SMNDC1: variants seen among roughly 807,000 people sequenced by gnomAD.
SMNDC1 encodes survival of motor neuron-related-splicing factor 30.
Under a neutral mutation model 29.2 loss-of-function variants are expected in SMNDC1, and 5 were observed. The observed-to-expected ratio is 0.17, with a 90% CI of 0.09 to 0.36. The LOEUF (loss-of-function observed/expected upper bound fraction) is 0.36. Ranked by LOEUF, SMNDC1 falls within the 10% of genes least tolerant of loss-of-function variation. The pLI is 1.00. For synonymous variants in SMNDC1, 80 were observed against 89.9 expected, an observed-to-expected ratio of 0.89 and a Z score of 0.62; for missense variants, 142 against 268.5, an observed-to-expected ratio of 0.53 and a Z score of 3.29.
rs569192561 is a variant in SMNDC1 at position 110,292,761 on chromosome 10, T to G, written c.*1389A>C. 35 of 152,138 alleles carry G rather than the reference T, an allele frequency of 2.3e-4. No homozygotes were observed. Among genetic ancestry groups the G allele is most frequent in the African/African-American group, 8.4e-4 (35 of 41,504 alleles). The allele number at this position is 152,138 out of a possible 1,614,324, so 9.4% of individuals were successfully genotyped here. On this transcript the variant is annotated 3_prime_UTR_variant, in exon 6 of 6. Coordinates refer to ENST00000369603, the MANE Select transcript of SMNDC1 (RefSeq NM_005871.4). ...AATTCTACCTACCACTGTCCTAAGT[T>G]TCAATTTATAAAAAAAATTAAAATT...
chr10:110,300,649 G>A (rs1395718802), intron 2 of SMNDC1: 3 of 985,372 alleles, frequency 3.0e-6, no homozygotes, highest in Non-Finnish European at 3.6e-6. Context: ...AGCATCAGGT[G>A]TTGTGATCTA....
intron 5 of SMNDC1, 94 bp downstream of exon 5, chr10:110,295,134 A>T (rs1193755225): frequency 2.5e-6 from 3 of 1,197,914 alleles, no homozygotes; most frequent in Non-Finnish European, 3.5e-6. Flanking sequence ...AGTTAATCAT[A>T]CTTTACAAAA....
Position 110,298,655 on chromosome 10 carries a change from C to T in SMNDC1, c.256G>A (p.Asp86Asn), listed in dbSNP as rs769513005. The change falls in exon 3 of 6, where the codon GAT becomes AAT. Residue 86 changes from aspartate to asparagine, a missense_variant. Transcript: ENST00000369603. The part of the protein sequence containing the change: ...GDKCMAVWSE[D>N]GQCYEAEIEE... ...TTTTTTTTCTACACTTACTGTCCAT[C>T]TTCACTCCAGACTGCCATACACTTG... is the stretch of plus-strand genomic sequence containing the variant. 50 of 1,608,740 alleles carry T rather than the reference C, an allele frequency of 3.1e-5. No homozygotes were observed. The highest frequency in any genetic ancestry group is 6.8e-6 in the Non-Finnish European group (8 of 1,177,824).
chr10:110,302,912 T>C (rs1226043456), intron 2 of SMNDC1, among the ~76,000 whole-genome samples: 2 of 152,206 alleles, frequency 1.3e-5, no homozygotes, highest in African/African-American at 4.8e-5. Context: ...AACTTTACTG[T>C]AAAACCTAGC....
At position 110,297,156 on chromosome 10, in the gene SMNDC1, CTT is replaced by C. The variant is rs796753305; in HGVS notation, c.425+409_425+410del. Among the ~76,000 whole-genome samples, 19 of 152,286 alleles carry C rather than the reference CTT, an allele frequency of 1.2e-4. No homozygotes were observed. In the East Asian group the frequency reaches 2.9e-3, roughly 23 times the overall value. ...TAATAAAAGTGGAGGCTGAGTACCT[CTT>C]GTTCCCTTACAGTACCTGTTATAGC... On this transcript the variant is annotated intron_variant, in intron 4 of 5. Coordinates refer to ENST00000369603, the MANE Select transcript of SMNDC1 (RefSeq NM_005871.4).
rs1857520674 is a variant in SMNDC1, at chr10:110,293,327, T to G, written c.*823A>C. 6.6e-6 allele frequency: 1 copy of G among 152,610 alleles called. No homozygotes were observed. The highest frequency in any genetic ancestry group is 1.9e-4 in the East Asian group (1 of 5,200). The allele number at this position is 152,610 out of a possible 1,614,324, so 9.5% of individuals were successfully genotyped here. A position where few individuals can be genotyped will look rare whatever the true frequency, so the allele number is the denominator to read the frequency against. ...CAAGAAATTTTTAATGATGAAATAT[T>G]CAGTATTCTTGTTCATTAATTTAGC... is the stretch of plus-strand genomic sequence containing the variant. On this transcript the variant is annotated 3_prime_UTR_variant, in exon 6 of 6. Coordinates refer to ENST00000369603, the MANE Select transcript of SMNDC1 (RefSeq NM_005871.4).
At chr10:110,298,020 T>C (rs1351487197) in intron 3 of SMNDC1, among the ~76,000 whole-genome samples, 1 of 152,172 alleles carries the variant, frequency 6.6e-6, no homozygotes, top group African/African-American at 2.4e-5. Flanking sequence ...CGACAGAGTC[T>C]CACTGTCGCC....
chr10:110,298,872 G>A (rs2134501850), intron 2 of SMNDC1, 82 bp from the exon 3 acceptor site: 4 of 955,032 alleles, frequency 4.2e-6, no homozygotes, highest in South Asian at 3.1e-5. Context: ...CCTTCATACT[G>A]TACGTTAAGT....
rs1028797599 is a variant in SMNDC1 at position 110,291,327 on chromosome 10, G to T, written c.*2823C>A. On this transcript the variant is annotated 3_prime_UTR_variant, in exon 6 of 6. Transcript: ENST00000369603. ...ATAACCTTCACCCCCTTCCCATTAA[G>T]AAACATGCCCTAGTATACAAATTAG... is the stretch of plus-strand genomic sequence containing the variant. 6.6e-6 allele frequency: 1 copy of T among 152,238 alleles called. No homozygotes were observed. The highest frequency in any genetic ancestry group is 3.4e-3 in the Middle Eastern group (1 of 294). The allele number at this position is 152,238 out of a possible 1,614,324, so 9.4% of individuals were successfully genotyped here. A position where few individuals can be genotyped will look rare whatever the true frequency, so the allele number is the denominator to read the frequency against.
rs1249993860 is a variant in SMNDC1 at position 110,290,992 on chromosome 10, T to C, written c.*3158A>G. ...TAAGGCAGACATTTGGCATTAGAAT[T>C]GCATACTGGAAACAGACACACACCC... On this transcript the variant is annotated 3_prime_UTR_variant, in exon 6 of 6. Transcript: ENST00000369603. 2 of 152,204 alleles carry C rather than the reference T, an allele frequency of 1.3e-5. No individual in the cohort carries two copies. Among genetic ancestry groups the C allele is most frequent in the East Asian group, 1.9e-4 (1 of 5,204 alleles). 9.4% of individuals were successfully genotyped at this position (152,204 alleles called of 1,614,324 possible).
chr10:110,291,995 ACT>A lies in SMNDC1; in HGVS notation c.*2153_*2154del, dbSNP rs1418229498. 1 of 152,112 alleles carries A rather than the reference ACT, an allele frequency of 6.6e-6. No homozygotes were observed. Among genetic ancestry groups the A allele is most frequent in the Non-Finnish European group, 1.5e-5 (1 of 68,014 alleles). 9.4% of individuals were successfully genotyped at this position (152,112 alleles called of 1,614,324 possible). ...CAAGTCTCCTTTCTTAATGGGGAAA[ACT>A]CTACATTAAATTTTCTAACAAAGCT... is the stretch of plus-strand genomic sequence containing the variant. On this transcript the variant is annotated 3_prime_UTR_variant, in exon 6 of 6. Transcript: ENST00000369603.
intron 2 of SMNDC1, among the ~76,000 whole-genome samples, chr10:110,302,781 G>A (rs1857672983): frequency 1.3e-5 from 2 of 152,044 alleles, no homozygotes; most frequent in African/African-American, 4.8e-5. Flanking sequence ...TACTATGATG[G>A]CTCTATGTTT....
intron 2 of SMNDC1, among the ~76,000 whole-genome samples, chr10:110,301,987 C>T (rs964147338): frequency 6.6e-6 from 1 of 152,186 alleles, no homozygotes; most frequent in Non-Finnish European, 1.5e-5. Flanking sequence ...CCAACCAGTT[C>T]AACAAATACC....
rs1226064029 is a variant in SMNDC1 at position 110,292,559 on chromosome 10, AGAT to A, written c.*1588_*1590del. The A allele has an allele frequency of 6.6e-6, 1 of 152,190 alleles. No homozygotes were observed. Among genetic ancestry groups the A allele is most frequent in the African/African-American group, 2.4e-5 (1 of 41,444 alleles). 9.4% of individuals were successfully genotyped at this position (152,190 alleles called of 1,614,324 possible). ...ACTCTTGATTATTGATAAGCTCTTA[AGAT>A]GTTACAATAACAAAGTATATTTTAT... On this transcript the variant is annotated 3_prime_UTR_variant, in exon 6 of 6. Coordinates refer to ENST00000369603, the MANE Select transcript of SMNDC1 (RefSeq NM_005871.4).
At position 110,298,732 on chromosome 10, in the gene SMNDC1, C is replaced by T. The variant is rs762661897; in HGVS notation, c.179G>A (p.Ser60Asn). The T allele has an allele frequency of 6.2e-7, 1 of 1,613,718 alleles. No homozygotes were observed. The highest frequency in any genetic ancestry group is 8.5e-7 in the Non-Finnish European group (1 of 1,179,778). Residue 60 changes from serine to asparagine, a missense_variant, in exon 3 of 6, where the codon AGT becomes AAT. Ser to Asn is a conservative substitution (Grantham distance 46, BLOSUM62 1). Coordinates refer to ENST00000369603, the MANE Select transcript of SMNDC1 (RefSeq NM_005871.4). ...TTGAGTAGAAGCAAAACTGTCTGAACTTGCAAGCGTCTCAGAAGGTTGAGT... is the reference window on the plus strand; with the variant it reads ...TTGAGTAGAAGCAAAACTGTCTGAATTTGCAAGCGTCTCAGAAGGTTGAGT... ...LSTQPSETLASSDSFASTQPT... is the reference protein window; with the variant it reads ...LSTQPSETLANSDSFASTQPT...
In SMNDC1 at chr10:110,292,749, A is replaced by G. The variant is rs1434405163; in HGVS notation, c.*1401T>C. On this transcript the variant is annotated 3_prime_UTR_variant, in exon 6 of 6. Transcript: ENST00000369603. ...GGAGAGATGAAGAATTCTACCTACC[A>G]CTGTCCTAAGTTTCAATTTATAAAA... The G allele has an allele frequency of 6.6e-6, 1 of 152,076 alleles. No individual in the cohort carries two copies. The highest frequency in any genetic ancestry group is 2.4e-5 in the African/African-American group (1 of 41,414). The allele number at this position is 152,076 out of a possible 1,614,324, so 9.4% of individuals were successfully genotyped here. A position where few individuals can be genotyped will look rare whatever the true frequency, so the allele number is the denominator to read the frequency against.
At position 110,302,940 on chromosome 10, in the gene SMNDC1, A is replaced by C. The variant is rs1040063097; in HGVS notation, c.120+528T>G. On this transcript the variant is annotated intron_variant, in intron 2 of 5. Coordinates refer to ENST00000369603, the MANE Select transcript of SMNDC1 (RefSeq NM_005871.4). ...AACCTAGCCTTAAGTCTGAACATCT[A>C]TGTAACAATTATACAAAGCACTTGT... Among the ~76,000 whole-genome samples the C allele has an allele frequency of 3.3e-5, 5 of 152,176 alleles. No homozygotes were observed. In the East Asian group the frequency reaches 9.6e-4, roughly 29 times the overall value.
At chr10:110,302,587 T>G (rs943588591) in intron 2 of SMNDC1, among the ~76,000 whole-genome samples, 1 of 152,198 alleles carries the variant, frequency 6.6e-6, no homozygotes, top group African/African-American at 2.4e-5. Context: ...AATGAATTTT[T>G]AGACAGGATA....
At chr10:110,298,562 T>A (rs1391607073) in intron 3 of SMNDC1, 86 bp downstream of exon 3, 2 of 1,103,814 alleles carry the variant, frequency 1.8e-6, no homozygotes, top group Admixed American at 4.7e-5. Flanking sequence ...AAGATTAAAA[T>A]AGGGTAGTTA....
Sources: gnomAD v4.1 joint callset for allele counts (sites outside exome capture counted in the v4.1 genomes callset) on GRCh38, gnomAD v4.1.1 for gene constraint, MANE v1.5 for transcripts, NCBI Gene and HGNC (gene_info 2026-07-23, HGNC 2026-07-21) for gene names.